ANXA8: variants seen among roughly 807,000 people sequenced by gnomAD.
ANXA8 encodes the protein annexin A8, also known as VAC-beta.
A neutral mutation model predicts 26.8 loss-of-function variants in ANXA8; 9 were observed. That is an observed-to-expected ratio of 0.34 (90% confidence interval 0.20 to 0.59). The LOEUF (loss-of-function observed/expected upper bound fraction) is 0.59, where lower values mean the gene tolerates loss of function less well. Ranked by LOEUF, ANXA8 falls within the 20% of genes least tolerant of loss-of-function variation. The probability of loss-of-function intolerance (pLI) is 0.84; values close to 1 mark genes in which losing one functional copy is unlikely to be tolerated. For missense variants in ANXA8, 83 were observed against 238.5 expected (o/e 0.35, Z 4.29); for synonymous variants, 39 against 94.8 (o/e 0.41, Z 3.42).
the ANXA8 span, among the ~76,000 whole-genome samples, chr10:47,735,507 C>A: frequency 6.7e-6 from 1 of 149,084 alleles, no homozygotes; most frequent in African/African-American, 2.5e-5. Context: ...AATAGATATT[C>A]CTTCAGTTGT....
At chr10:47,487,031 T>G (rs1265152155), upstream of ANXA8, among the ~76,000 whole-genome samples, 8 of 151,094 alleles carry the variant, frequency 5.3e-5, no homozygotes, top group African/African-American at 1.9e-4. Context: ...GGACTTGAAA[T>G]GTACCCAACA....
the ANXA8 span, chr10:47,986,252 G>A: frequency 6.5e-6 from 1 of 155,022 alleles, no homozygotes; most frequent in African/African-American, 2.4e-5. Context: ...GTTTGTGGAT[G>A]TGTATGCGCT....
chr10:47,636,326 C>A, the ANXA8 span, among the ~76,000 whole-genome samples: 1 of 140,420 alleles, frequency 7.1e-6, no homozygotes, highest in Non-Finnish European at 1.5e-5. Context: ...GGGTCTCTGC[C>A]TTTATGAAGG....
the ANXA8 span, among the ~76,000 whole-genome samples, chr10:47,929,958 C>G: frequency 1.3e-5 from 2 of 152,172 alleles, no homozygotes; most frequent in Non-Finnish European, 2.9e-5. Flanking sequence ...ATACTCAGGG[C>G]AAATTTCACA....
intron 5 of ANXA8, 48 bp from the exon 6 acceptor site, chr10:47,475,620 C>A: frequency 7.5e-7 from 1 of 1,339,784 alleles, no homozygotes; most frequent in Non-Finnish European, 1.1e-6. Flanking sequence ...CCACAGCCTA[C>A]CCGGGGCCTG....
At chr10:47,733,929 G>C in the ANXA8 span, among the ~76,000 whole-genome samples, 4 of 152,284 alleles carry the variant, frequency 2.6e-5, no homozygotes, top group Non-Finnish European at 4.4e-5. Flanking sequence ...ACCATCATCA[G>C]CTTTACAGTT....
chr10:47,969,559 G>T, the ANXA8 span, among the ~76,000 whole-genome samples: 1 of 145,372 alleles, frequency 6.9e-6, no homozygotes, highest in South Asian at 2.3e-4. Context: ...AGCTGATGGA[G>T]TTCCTTGGCC....
the ANXA8 span, among the ~76,000 whole-genome samples, chr10:47,686,345 A>T: frequency 6.7e-6 from 1 of 149,944 alleles, no homozygotes; most frequent in African/African-American, 2.5e-5. Context: ...CAGCCTCCTG[A>T]GTAGCTGGGA....
chr10:47,743,661 G>A, the ANXA8 span, among the ~76,000 whole-genome samples: 3 of 147,430 alleles, frequency 2.0e-5, no homozygotes, highest in East Asian at 2.1e-4. Context: ...CAGGGAGGAT[G>A]CTGAACAGTA....
At chr10:47,896,869 A>G in the ANXA8 span, among the ~76,000 whole-genome samples, 1 of 152,076 alleles carries the variant, frequency 6.6e-6, no homozygotes, top group Non-Finnish European at 1.5e-5. Context: ...ATTGAATACC[A>G]GCACCAAGGA....
At chr10:47,656,962 T>C in the ANXA8 span, among the ~76,000 whole-genome samples, 4 of 150,640 alleles carry the variant, frequency 2.7e-5, no homozygotes, top group Non-Finnish European at 5.9e-5. Flanking sequence ...CACTGGTGAC[T>C]ACAGTCTTTT....
chr10:47,575,390 A>T, the ANXA8 span, among the ~76,000 whole-genome samples: 7 of 135,874 alleles, frequency 5.2e-5, no homozygotes, highest in Admixed American at 1.5e-4. Context: ...TCATTTGTTT[A>T]TTTATTTATT....
the ANXA8 span, among the ~76,000 whole-genome samples, chr10:47,677,543 G>GA: frequency 2.1e-5 from 3 of 142,482 alleles, no homozygotes; most frequent in Non-Finnish European, 4.5e-5. Flanking sequence ...CAGAGTAGGG[G>GA]AATCCAAATA....
the ANXA8 span, among the ~76,000 whole-genome samples, chr10:47,667,027 T>C: frequency 3.3e-5 from 5 of 152,176 alleles, no homozygotes; most frequent in Non-Finnish European, 7.3e-5. Context: ...CTTCACTTAC[T>C]TTGTCAGTTT....
At chr10:47,895,018 C>G in the ANXA8 span, among the ~76,000 whole-genome samples, 1 of 77,984 alleles carries the variant, frequency 1.3e-5, no homozygotes, top group Non-Finnish European at 3.2e-5. Flanking sequence ...ACACAACACG[C>G]ACACATCCAC....
At chr10:47,565,105 C>T in the ANXA8 span, 8 of 753,996 alleles carry the variant, frequency 1.1e-5, no homozygotes, top group Admixed American at 1.1e-4. Flanking sequence ...AGCGCCCGTC[C>T]ATCTCGCCCA....
chr10:47,488,878 C>T (rs1317486923), upstream of ANXA8, among the ~76,000 whole-genome samples: 1 of 146,434 alleles, frequency 6.8e-6, no homozygotes, highest in Admixed American at 6.9e-5. Context: ...CAGGTGCCCG[C>T]CACCGTGCCC....
chr10:47,627,174 C>A, the ANXA8 span, among the ~76,000 whole-genome samples: 121 of 150,056 alleles, frequency 8.1e-4, no homozygotes, highest in Middle Eastern at 3.4e-3. Context: ...CAAAGGCAAA[C>A]AGGAACAGTA....
At chr10:47,676,989 GA>G in the ANXA8 span, among the ~76,000 whole-genome samples, 1 of 60,626 alleles carries the variant, frequency 1.6e-5, no homozygotes, top group Non-Finnish European at 2.7e-5. Context: ...ATAAAGAGCT[GA>G]AAGAAAAAAA....
Sources: allele counts gnomAD v4.1 joint callset (sites outside exome capture counted in the v4.1 genomes callset), GRCh38; gene constraint gnomAD v4.1.1; transcripts MANE v1.5; gene names NCBI Gene and HGNC (gene_info 2026-07-23, HGNC 2026-07-21).